The following XKR3 variants were observed in gnomAD, a reference collection of about 807,000 sequenced individuals.
XKR3 encodes the protein XK-related protein 3.
In XKR3, 27 loss-of-function variants were observed where a neutral mutation model predicts 40.3. The observed-to-expected ratio is 0.67, with a 90% CI of 0.49 to 0.92. The LOEUF (loss-of-function observed/expected upper bound fraction) is 0.92, where lower values mean the gene tolerates loss of function less well. XKR3 is among the 40% of genes least tolerant of loss of function. XKR3 has a pLI of 0.00. For synonymous variants in XKR3, 193 were observed against 195.4 expected (o/e 0.99, Z 0.10); for missense variants, 472 against 537.6 (o/e 0.88, Z 1.21).
intron 3 of XKR3, among the ~76,000 whole-genome samples, chr22:16,790,892 G>T (rs185713206): frequency 1.4e-5 from 1 of 70,814 alleles, no homozygotes; most frequent in East Asian, 4.4e-4. Context: ...AAAAAGAAAC[G>T]TTGAAAAAAA....
intron 3 of XKR3, among the ~76,000 whole-genome samples, chr22:16,796,348 A>G (rs1174958087): frequency 4.3e-4 from 66 of 152,288 alleles, no homozygotes; most frequent in Non-Finnish European, 8.2e-4. Context: ...ATCTCATTCA[A>G]TGAGCCCAGA....
chr22:16,798,988 G>A (rs1350213250), intron 3 of XKR3, among the ~76,000 whole-genome samples: 2 of 152,144 alleles, frequency 1.3e-5, no homozygotes, highest in Non-Finnish European at 2.9e-5. Context: ...TACGTATACT[G>A]TACATATACT....
intron 1 of XKR3, among the ~76,000 whole-genome samples, chr22:16,810,757 T>C (rs1239540180): frequency 6.6e-6 from 1 of 152,226 alleles, no homozygotes; most frequent in Admixed American, 6.5e-5. Context: ...ATGGTCCTTA[T>C]AATGTAACAA....
chr22:16,807,666 A>G, intron 2 of XKR3, 73 bp downstream of exon 2: 10 of 1,310,618 alleles, frequency 7.6e-6, no homozygotes, highest in Non-Finnish European at 1.0e-5. Flanking sequence ...GGCATCCTTA[A>G]TCTTTTTAGC....
At chr22:16,816,229 C>T (rs891438879) in intron 1 of XKR3, among the ~76,000 whole-genome samples, 11 of 151,794 alleles carry the variant, frequency 7.2e-5, no homozygotes, top group African/African-American at 2.7e-4. Context: ...TCTGTCTCTG[C>T]CTTTGCCGCC....
chr22:16,791,778 G>GGAGAGAGAGAGAGAGAGAGAGAGAGAGA (rs763159994), intron 3 of XKR3, among the ~76,000 whole-genome samples: 5 of 123,184 alleles, frequency 4.1e-5, no homozygotes, highest in African/African-American at 6.2e-5. Context: ...GGAGAGAGAG[G>GGAGAGAGAGAGAGAGAGAGAGAGAGAGA]GAGAGAGAGA....
chr22:16,797,906 G>A (rs1457298642), intron 3 of XKR3, among the ~76,000 whole-genome samples: 2 of 151,878 alleles, frequency 1.3e-5, no homozygotes, highest in African/African-American at 4.8e-5. Context: ...ATGTGCAGTG[G>A]CTCACCCCTA....
At chr22:16,809,734 C>T (rs1379071340) in intron 1 of XKR3, among the ~76,000 whole-genome samples, 2 of 152,142 alleles carry the variant, frequency 1.3e-5, no homozygotes, top group East Asian at 1.9e-4. Context: ...TTCTTTTTGC[C>T]AAATATAATA....
intron 2 of XKR3, among the ~76,000 whole-genome samples, chr22:16,803,858 C>G (rs1234387581): frequency 1.3e-5 from 2 of 152,208 alleles, no homozygotes; most frequent in Non-Finnish European, 2.9e-5. Flanking sequence ...TGGGCATGCT[C>G]TCTCTATGGA....
chr22:16,796,067 A>G (rs2060139255), intron 3 of XKR3, among the ~76,000 whole-genome samples: 1 of 152,220 alleles, frequency 6.6e-6, no homozygotes, highest in Non-Finnish European at 1.5e-5. Context: ...AGAGACAACT[A>G]TGAACAACTC....
intron 1 of XKR3, among the ~76,000 whole-genome samples, chr22:16,815,366 AT>A (rs2060228825): frequency 6.6e-6 from 1 of 151,892 alleles, no homozygotes; most frequent in Non-Finnish European, 1.5e-5. Flanking sequence ...TTCCTTGGGA[AT>A]TTTTGTCTGT....
rs376645693 is a variant in XKR3, at chr22:16,789,631, T to C, written c.590-5222A>G. 4.6e-4 allele frequency among the ~76,000 whole-genome samples: 70 copies of C among 152,266 alleles called. 1 individual carries two copies. In the South Asian group the frequency reaches 5.8e-3, roughly 13 times the overall value. On this transcript the variant is annotated intron_variant, in intron 3 of 3. Transcript: ENST00000684488. ...GTCCACAGATTCAATGCAATCTCTA[T>C]CAAAACACCAATGGCATTTTTCACA...
chr22:16,817,684 T>A (rs2060239452), intron 1 of XKR3, among the ~76,000 whole-genome samples: 1 of 152,210 alleles, frequency 6.6e-6, no homozygotes, highest in African/African-American at 2.4e-5. Flanking sequence ...CTATCCAGTT[T>A]ATCCCAAATT....
chr22:16,798,702 T>G (rs997503472), intron 3 of XKR3, among the ~76,000 whole-genome samples: 6 of 152,208 alleles, frequency 3.9e-5, no homozygotes, highest in African/African-American at 1.4e-4. Flanking sequence ...TCATGTCGTT[T>G]GCATCAACAT....
At chr22:16,787,236 A>G (rs2146139831) in intron 3 of XKR3, among the ~76,000 whole-genome samples, 1 of 152,322 alleles carries the variant, frequency 6.6e-6, no homozygotes, top group Non-Finnish European at 1.5e-5. Flanking sequence ...ATGTGATAAC[A>G]TCCAAAGAAC....
intron 1 of XKR3, among the ~76,000 whole-genome samples, chr22:16,808,461 G>C (rs530349899): frequency 6.6e-6 from 1 of 152,036 alleles, no homozygotes; most frequent in Admixed American, 6.5e-5. Flanking sequence ...AAAATAAAAC[G>C]GCACAATCTA....
chr22:16,797,985 C>T (rs2060149625), intron 3 of XKR3, among the ~76,000 whole-genome samples: 1 of 151,380 alleles, frequency 6.6e-6, no homozygotes, highest in Non-Finnish European at 1.5e-5. Flanking sequence ...ACCAGCCTGG[C>T]CAATATAGCA....
chr22:16,794,805 C>G (rs1275055799), intron 3 of XKR3, among the ~76,000 whole-genome samples: 1 of 152,114 alleles, frequency 6.6e-6, no homozygotes, highest in Non-Finnish European at 1.5e-5. Context: ...TCCAATGACA[C>G]CTGTACCCTC....
At chr22:16,799,660 A>G in intron 3 of XKR3, 111 bp downstream of exon 3, 1 of 1,288,082 alleles carries the variant, frequency 7.8e-7, no homozygotes, top group Non-Finnish European at 1.1e-6. Context: ...CTTATAAAAA[A>G]TTTAGTGCAA....
Sources: gnomAD v4.1 joint callset for allele counts (sites outside exome capture counted in the v4.1 genomes callset) on GRCh38, gnomAD v4.1.1 for gene constraint, MANE v1.5 for transcripts, NCBI Gene and HGNC (gene_info 2026-07-23, HGNC 2026-07-21) for gene names.